Variants in SUB1 observed in about 807,000 individuals in gnomAD.
SUB1 encodes the protein activated RNA polymerase II transcriptional coactivator p15.
A neutral mutation model predicts 16.9 loss-of-function variants in SUB1; 1 was observed. That is an observed-to-expected ratio of 0.06 (90% CI 0.02 to 0.28). The LOEUF is 0.28. Ranked by LOEUF, SUB1 falls within the 10% of genes least tolerant of loss-of-function variation. The pLI is 1.00. For synonymous variants in SUB1, 51 were observed against 46.9 expected, an observed-to-expected ratio of 1.09 and a Z score of -0.36; for missense variants, 84 against 145.2, an observed-to-expected ratio of 0.58 and a Z score of 2.16.
chr5:32,587,896 A>ATC (rs1263281377), intron 1 of SUB1, among the ~76,000 whole-genome samples: 3 of 152,196 alleles, frequency 2.0e-5, no homozygotes, highest in Non-Finnish European at 4.4e-5. Context: ...GGCGTGAACC[A>ATC]TCGTTCCCGG....
intron 3 of SUB1, chr5:32,595,399 C>G (rs1488992737): frequency 6.6e-6 from 1 of 152,152 alleles, no homozygotes; most frequent in Non-Finnish European, 1.5e-5. Context: ...TTTATGTTGT[C>G]TCTTCTAGAA....
At chr5:32,587,049 G>A (rs1049789972) in intron 1 of SUB1, among the ~76,000 whole-genome samples, 2 of 152,096 alleles carry the variant, frequency 1.3e-5, no homozygotes, top group African/African-American at 4.8e-5. Context: ...CAAATACAGT[G>A]TGTGATGTGT....
intron 2 of SUB1, chr5:32,591,233 C>G (rs1243546517): frequency 2.3e-5 from 4 of 176,964 alleles, no homozygotes; most frequent in African/African-American, 2.4e-5. Flanking sequence ...CAGGTTTATT[C>G]AGAAGTAGCA....
chr5:32,590,810 C>T (rs969670670), intron 2 of SUB1, among the ~76,000 whole-genome samples: 2 of 127,252 alleles, frequency 1.6e-5, no homozygotes, highest in African/African-American at 5.8e-5. Flanking sequence ...CTCTGTTGCC[C>T]AGGCTGGAGT....
At chr5:32,586,846 A>G (rs1300129478) in intron 1 of SUB1, among the ~76,000 whole-genome samples, 1 of 152,252 alleles carries the variant, frequency 6.6e-6, no homozygotes, top group East Asian at 1.9e-4. Flanking sequence ...ACCCTTGAAG[A>G]CATTACCAGT....
At chr5:32,590,215 A>G (rs1052373119) in intron 2 of SUB1, among the ~76,000 whole-genome samples, 1 of 152,160 alleles carries the variant, frequency 6.6e-6, no homozygotes, top group African/African-American at 2.4e-5. Context: ...AACCTTGTAT[A>G]CCACATTTTT....
At chr5:32,600,776 G>A (rs1247480530) in intron 4 of SUB1, among the ~76,000 whole-genome samples, 1 of 151,906 alleles carries the variant, frequency 6.6e-6, no homozygotes, top group East Asian at 1.9e-4. Context: ...GCTAATTTTT[G>A]TATTTTTAGT....
At chr5:32,590,523 C>T (rs372232454) in intron 2 of SUB1, among the ~76,000 whole-genome samples, 200 of 148,688 alleles carry the variant, frequency 1.3e-3, no homozygotes, top group African/African-American at 4.6e-3. Context: ...TGAGGAAGTT[C>T]TTGAGTTGCT....
chr5:32,590,064 A>G (rs946901567), intron 2 of SUB1, among the ~76,000 whole-genome samples: 4 of 152,216 alleles, frequency 2.6e-5, no homozygotes, highest in Non-Finnish European at 2.9e-5. Context: ...GATGTAACAC[A>G]TGTGTATTGA....
intron 3 of SUB1, among the ~76,000 whole-genome samples, chr5:32,594,267 A>G (rs1366722720): frequency 3.9e-5 from 6 of 152,196 alleles, no homozygotes; most frequent in African/African-American, 1.4e-4. Flanking sequence ...ACTTTCTTCC[A>G]TAGGGATGTA....
At position 32,598,954 on chromosome 5, in the gene SUB1, T is replaced by C. The variant is rs1319778577; in HGVS notation, c.196-7T>C. The C allele has an allele frequency of 1.2e-6, 2 of 1,606,634 alleles. No individual in the cohort carries two copies. Among genetic ancestry groups the C allele is most frequent in the South Asian group, 2.2e-5 (2 of 90,608 alleles). ...AGCACCTCTTTTTATGTTTGTTTCT[T>C]TTGCAGATTGGGAAAATGAGGTACG... is the stretch of plus-strand genomic sequence containing the variant. On this transcript the variant is annotated splice_region_variant and splice_polypyrimidine_tract_variant and intron_variant, in intron 3 of 4. Transcript: ENST00000265073.
chr5:32,599,464 T>G (rs1739062875), intron 4 of SUB1, among the ~76,000 whole-genome samples: 1 of 152,210 alleles, frequency 6.6e-6, no homozygotes, highest in Non-Finnish European at 1.5e-5. Flanking sequence ...GGCATTACTC[T>G]TCAAGCGGAT....
intron 4 of SUB1, among the ~76,000 whole-genome samples, chr5:32,600,370 G>A (rs183449632): frequency 6.6e-6 from 1 of 152,342 alleles, no homozygotes; most frequent in Admixed American, 6.5e-5. Flanking sequence ...TAGTAATGGG[G>A]TATCACATGC....
chr5:32,601,268 T>C lies in SUB1; in HGVS notation c.*184T>C, dbSNP rs15075. ...ATATTGAGTGAAGCTAATTGTCAAC[T>C]TTATTAAGGATTACTTTGTCTGCCC... is the stretch of plus-strand genomic sequence containing the variant. On this transcript the variant is annotated 3_prime_UTR_variant, in exon 5 of 5. Coordinates refer to ENST00000265073, the MANE Select transcript of SUB1 (RefSeq NM_006713.4). The C allele has an allele frequency of 3.3e-5, 18 of 552,580 alleles. No individual in the cohort carries two copies. Among genetic ancestry groups the C allele is most frequent in the Middle Eastern group, 5.0e-4 (1 of 1,990 alleles). The allele number at this position is 552,580 out of a possible 1,614,324, so 34.2% of individuals were successfully genotyped here. A position where few individuals can be genotyped will look rare whatever the true frequency, so the allele number is the denominator to read the frequency against.
intron 3 of SUB1, 31 bp from the exon 4 acceptor site, chr5:32,598,929 AG>A: frequency 5.2e-6 from 8 of 1,525,092 alleles, no homozygotes; most frequent in Non-Finnish European, 7.2e-6. Context: ...TCTTGAAAGG[AG>A]CACCTCTTTT....
intron 3 of SUB1, chr5:32,597,169 A>G (rs1738989468): frequency 6.6e-6 from 1 of 152,156 alleles, no homozygotes; most frequent in Middle Eastern, 3.4e-3. Flanking sequence ...GTATATTCAC[A>G]TTGTTGTGAA....
chr5:32,591,065 G>A (rs548805398), intron 2 of SUB1, among the ~76,000 whole-genome samples: 18 of 152,104 alleles, frequency 1.2e-4, no homozygotes, highest in South Asian at 1.0e-3. Flanking sequence ...TACCGCGCCC[G>A]GCCCATAAAT....
At position 32,591,554 on chromosome 5, in the gene SUB1, CT is replaced by C. The variant is rs758349277; in HGVS notation, c.73-5del. ...TATGTGTGCAAATTTTAACCATATT[CT>C]TTTCTAGTTAAAGAGGAAAAAGCAA... On this transcript the variant is annotated splice_polypyrimidine_tract_variant and splice_region_variant and intron_variant, in intron 2 of 4. Transcript: ENST00000265073. 4 of 1,585,898 alleles carry C rather than the reference CT, an allele frequency of 2.5e-6. No homozygotes were observed. The Admixed American group carries it at 7.7e-5, about 31-fold the overall frequency.
In SUB1 at chr5:32,590,494, A is replaced by T. The variant is rs899695695; in HGVS notation, c.73-1069A>T. ...GTCTAACACATAGCTGTCTACAATG[A>T]TTTTTTTTTTTTTTGTAATGAGGAA... On this transcript the variant is annotated intron_variant, in intron 2 of 4. Coordinates refer to ENST00000265073, the MANE Select transcript of SUB1 (RefSeq NM_006713.4). Among the ~76,000 whole-genome samples, 520 of 142,852 alleles carry T rather than the reference A, an allele frequency of 3.6e-3. 2 individuals are homozygous for T. Among genetic ancestry groups the T allele is most frequent in the African/African-American group, 0.012 (455 of 39,278 alleles). The allele number at this position is 142,852 out of a possible 152,430, so 93.7% of individuals were successfully genotyped here. A position where few individuals can be genotyped will look rare whatever the true frequency, so the allele number is the denominator to read the frequency against.
Sources: gnomAD v4.1 joint callset for allele counts (sites outside exome capture counted in the v4.1 genomes callset) on GRCh38, gnomAD v4.1.1 for gene constraint, MANE v1.5 for transcripts, NCBI Gene and HGNC (gene_info 2026-07-23, HGNC 2026-07-21) for gene names.